The following CEP131 variants were observed in gnomAD, a reference collection of about 807,000 sequenced individuals.
The protein encoded by CEP131 is centrosomal protein of 131 kDa.
Under a neutral mutation model 136.8 loss-of-function variants are expected in CEP131, and 99 were observed. The ratio of observed to expected loss-of-function variants is 0.72; its 90% CI spans 0.62 to 0.86. The LOEUF (loss-of-function observed/expected upper bound fraction) is 0.86, where lower values mean the gene tolerates loss of function less well. Ranked by LOEUF, CEP131 falls within the 40% of genes least tolerant of loss-of-function variation. The pLI is 0.00. For synonymous variants in CEP131, 646 were observed against 612.7 expected, an observed-to-expected ratio of 1.05 and a Z score of -0.80; for missense variants, 1,459 against 1,463.0, an observed-to-expected ratio of 1.00 and a Z score of 0.04.
rs2061762893 is a variant in CEP131 at position 81,196,709 on chromosome 17, T to C, written c.1891A>G (p.Ile631Val). 6.2e-7 allele frequency: 1 copy of C among 1,605,184 alleles called. No individual in the cohort carries two copies. Among genetic ancestry groups the C allele is most frequent in the African/African-American group, 1.3e-5 (1 of 74,890 alleles). The change falls in exon 15 of 26, where the codon ATT (isoleucine) becomes GTT (valine). Residue 631 changes from isoleucine to valine, a missense_variant. Coordinates refer to ENST00000450824, the MANE Select transcript of CEP131 (RefSeq NM_014984.4). ...EATIQRHLAFIDQLIEDKKVL... is the reference protein window; with the variant it reads ...EATIQRHLAFVDQLIEDKKVL... ...CTCCCCGGGCCGCTCACCTGGTCAATGAAGGCCAAGTGCCGCTGGATGGTG... is the reference window on the plus strand; with the variant it reads ...CTCCCCGGGCCGCTCACCTGGTCAACGAAGGCCAAGTGCCGCTGGATGGTG...
intron 1 of CEP131, among the ~76,000 whole-genome samples, chr17:81,220,677 T>C (rs948788554): frequency 3.2e-4 from 48 of 151,932 alleles, no homozygotes; most frequent in Non-Finnish European, 3.5e-4. Context: ...GTATTTTTAG[T>C]AGAAGTAGAA....
In CEP131 at chr17:81,190,784, T is replaced by C; in HGVS notation, c.2962A>G (p.Ser988Gly). Residue 988 changes from serine (S) to glycine (G), a missense_variant, in exon 24 of 26, where the codon AGC becomes GGC. Around this residue, in one of 3 missense-constraint regions of CEP131, gnomAD observed 1,026 missense variants for 964.2 expected, o/e 1.06. Coordinates refer to ENST00000450824, the MANE Select transcript of CEP131 (RefSeq NM_014984.4). ...DAQAVNEQLS[S>G]ERSNLAQVIR... Reference sequence around the variant, plus strand: ...ACCTGGGCCAGGTTGCTGCGCTCGCTAGAAAGCTGCTCGTTCACCTGGGTG... The same window carrying C: ...ACCTGGGCCAGGTTGCTGCGCTCGCCAGAAAGCTGCTCGTTCACCTGGGTG... 2 of 1,610,264 alleles carry C rather than the reference T, an allele frequency of 1.2e-6. No homozygotes were observed. Among genetic ancestry groups the C allele is most frequent in the South Asian group, 2.2e-5 (2 of 90,838 alleles).
chr17:81,195,767 G>C, intron 16 of CEP131, 68 bp downstream of exon 16: 1 of 1,377,954 alleles, frequency 7.3e-7, no homozygotes, highest in Admixed American at 1.7e-5. Context: ...TGTTCTGGGG[G>C]CTGTGCCAGC....
At chr17:81,213,546 G>C (rs2062180049) in intron 2 of CEP131, among the ~76,000 whole-genome samples, 1 of 146,258 alleles carries the variant, frequency 6.8e-6, no homozygotes, top group South Asian at 2.1e-4. Context: ...GCGACAGCGT[G>C]AGACACTGTC....
chr17:81,194,169 G>T (rs764056563), intron 17 of CEP131, 42 bp from the exon 18 acceptor site: 4 of 1,454,230 alleles, frequency 2.8e-6, no homozygotes. Flanking sequence ...CAGCTAGGGT[G>T]GGCCCGGGAA....
intron 1 of CEP131, among the ~76,000 whole-genome samples, chr17:81,222,318 ACCCTG>A (rs1567889985): frequency 7.1e-6 from 1 of 140,340 alleles, no homozygotes; most frequent in Non-Finnish European, 1.6e-5. Flanking sequence ...CCTGACCCTG[ACCCTG>A]GACAGAGAGG....
Position 81,190,630 on chromosome 17 carries a change from G to C in CEP131, c.3107+9C>G. 6.4e-7 allele frequency: 1 copy of C among 1,568,914 alleles called. No homozygotes were observed. Among genetic ancestry groups the C allele is most frequent in the Non-Finnish European group, 8.6e-7 (1 of 1,163,418 alleles). On this transcript the variant is annotated intron_variant, in intron 24 of 25. Coordinates refer to ENST00000450824, the MANE Select transcript of CEP131 (RefSeq NM_014984.4). ...CTCCGTCTCCAGCCCTGCAGCCCCC[G>C]CCGCCCACCTCCGGTGCACCTCCTC...
chr17:81,191,940 A>G (rs984209773), intron 21 of CEP131, among the ~76,000 whole-genome samples: 1 of 151,292 alleles, frequency 6.6e-6, no homozygotes, highest in Non-Finnish European at 1.5e-5. Context: ...GGCAGAGTCC[A>G]CCCCCCACAG....
chr17:81,189,984 A>T lies in CEP131; in HGVS notation c.3108-9T>A, dbSNP rs1391575465. The T allele has an allele frequency of 1.9e-6, 3 of 1,599,894 alleles. No individual in the cohort carries two copies. In the South Asian group the frequency reaches 3.3e-5, roughly 18 times the overall value. On this transcript the variant is annotated splice_polypyrimidine_tract_variant and intron_variant, in intron 24 of 25. Coordinates refer to ENST00000450824, the MANE Select transcript of CEP131 (RefSeq NM_014984.4). ...CGAGGGCTGTCTTCACCCTGTGGGT[A>T]GTACATGGTAGGCTTCAGTGTGGCC...
intron 7 of CEP131, 23 bp downstream of exon 7, chr17:81,202,217 C>CA (rs759552129): frequency 3.2e-6 from 5 of 1,549,684 alleles, no homozygotes; most frequent in Non-Finnish European, 4.4e-6. Flanking sequence ...CAGGCCCCCC[C>CA]CCACCGCCCC....
intron 3 of CEP131, 115 bp from the exon 4 acceptor site, chr17:81,207,354 A>ACTCTGT (rs2062030558): frequency 5.8e-6 from 5 of 868,268 alleles, no homozygotes; most frequent in Non-Finnish European, 8.9e-6. Flanking sequence ...ACTAGCAGCA[A>ACTCTGT]CTCTGTTTCT....
intron 2 of CEP131, among the ~76,000 whole-genome samples, chr17:81,213,717 C>A (rs1404038747): frequency 6.6e-6 from 1 of 152,148 alleles, no homozygotes; most frequent in Non-Finnish European, 1.5e-5. Context: ...CCAGAGAGCA[C>A]AGGGGATGGG....
Position 81,194,941 on chromosome 17 carries a change from G to A in CEP131, c.2048C>T (p.Ala683Val). 1.3e-6 allele frequency: 2 copies of A among 1,597,268 alleles called. No homozygotes were observed. The highest frequency in any genetic ancestry group is 1.7e-6 in the Non-Finnish European group (2 of 1,173,642). Residue 683 changes from alanine (A) to valine (V), a missense_variant, in exon 17 of 26, where the codon GCC (alanine) becomes GTC (valine). By Grantham distance (64) the Ala-to-Val change is moderately conservative (BLOSUM62 0). This residue lies in a region of CEP131 where 1,026 missense variants were observed against 964.2 expected (regional missense o/e 1.06). Coordinates refer to ENST00000450824, the MANE Select transcript of CEP131 (RefSeq NM_014984.4). ...CTTCTCCCGGCGGGCTTTCTCGGTG[G>A]CGCTCATTAATTCTTTGAGTTTTTT... ...EIKKLKELMS[A>V]TEKARREKWI...
At chr17:81,192,680 G>GCCCCCC in intron 19 of CEP131, 56 bp downstream of exon 19, 1 of 818,096 alleles carries the variant, frequency 1.2e-6, no homozygotes, top group Non-Finnish European at 2.0e-6. Flanking sequence ...GGGCGGGGGG[G>GCCCCCC]AGGGGTCAGC....
Position 81,192,876 on chromosome 17 carries a change from C to T in CEP131, c.2322-33G>A, listed in dbSNP as rs372532825. 4.2e-5 allele frequency: 67 copies of T among 1,579,438 alleles called. No individual in the cohort carries two copies. In the African/African-American group the frequency reaches 5.2e-4, roughly 12 times the overall value. On this transcript the variant is annotated intron_variant, in intron 18 of 25. Coordinates refer to ENST00000450824, the MANE Select transcript of CEP131 (RefSeq NM_014984.4). ...ACGGTCAGGACTGGCTCTCGGGGGC[C>T]GGGACGGGCGGTCCCAGGACCCACC...
At chr17:81,192,447 A>G (rs2061661231) in intron 20 of CEP131, 29 bp downstream of exon 20, 2 of 1,611,920 alleles carry the variant, frequency 1.2e-6, no homozygotes, top group Non-Finnish European at 1.7e-6. Flanking sequence ...CCCCCTGGCC[A>G]GGCCCAGCAC....
Position 81,193,974 on chromosome 17 carries a change from C to G in CEP131, c.2273G>C (p.Arg758Pro), listed in dbSNP as rs574040845. 6.5e-7 allele frequency: 1 copy of G among 1,545,738 alleles called. No homozygotes were observed. Among genetic ancestry groups the G allele is most frequent in the Non-Finnish European group, 8.7e-7 (1 of 1,146,180 alleles). ...CTGCTGGCCCAGCGCCTCCTTCTCC[C>G]GCTCCAGCTGCTCCCGCAGCTCCTC... ...QAEELREQLE[R>P]EKEALGQQER... Residue 758 changes from arginine (R) to proline (P), a missense_variant, in exon 18 of 26, where the codon CGG becomes CCG. Around this residue, in one of 3 missense-constraint regions of CEP131, gnomAD observed 1,026 missense variants for 964.2 expected, o/e 1.06. Coordinates refer to ENST00000450824, the MANE Select transcript of CEP131 (RefSeq NM_014984.4).
At position 81,219,636 on chromosome 17, in the gene CEP131, G is replaced by A. The variant is rs975291462; in HGVS notation, c.177+244C>T. Reference sequence around the variant, plus strand: ...GAGGATTCAAACAAATCCAAAGGGCGGTGGCACAGGAGGCCTGGGGCTGTT... The same window carrying A: ...GAGGATTCAAACAAATCCAAAGGGCAGTGGCACAGGAGGCCTGGGGCTGTT... On this transcript the variant is annotated intron_variant, in intron 2 of 25. Coordinates refer to ENST00000450824, the MANE Select transcript of CEP131 (RefSeq NM_014984.4). This position sits in a 1 kb window ranked among gnomAD's most constrained non-coding sequence, Gnocchi z 4.0. 2.0e-5 allele frequency among the ~76,000 whole-genome samples: 3 copies of A among 152,074 alleles called. No homozygotes were observed. The highest frequency in any genetic ancestry group is 4.8e-5 in the African/African-American group (2 of 41,408).
intron 7 of CEP131, among the ~76,000 whole-genome samples, chr17:81,201,729 G>T (rs987626414): frequency 1.3e-5 from 2 of 152,068 alleles, no homozygotes; most frequent in African/African-American, 4.8e-5. Flanking sequence ...ACCAGCCTTC[G>T]ACCTCCTGTG....
Sources: allele counts gnomAD v4.1 joint callset (sites outside exome capture counted in the v4.1 genomes callset), GRCh38; gene constraint gnomAD v4.1.1; regional missense constraint gnomAD v4.1.1; non-coding constraint Gnocchi (gnomAD v3.1); transcripts MANE v1.5; gene names NCBI Gene and HGNC (gene_info 2026-07-23, HGNC 2026-07-21).